TDRP: variants seen among roughly 807,000 people sequenced by gnomAD.
TDRP encodes the protein testis development-related protein.
Under a neutral mutation model 10.5 loss-of-function variants are expected in TDRP, and 12 were observed. That is an observed-to-expected ratio of 1.15 (90% CI 0.73 to 1.86). TDRP has a LOEUF of 1.86. TDRP is among the 40% of genes most tolerant of loss of function. The pLI is 0.00. For synonymous variants in TDRP, 139 were observed against 95.4 expected (o/e 1.46, Z -2.67); for missense variants, 353 against 229.2 (o/e 1.54, Z -3.49).
chr8:500,072 A>T (rs1235791869), intron 1 of TDRP, among the ~76,000 whole-genome samples: 1 of 152,252 alleles, frequency 6.6e-6, no homozygotes, highest in African/African-American at 2.4e-5. Context: ...TGACATCCAA[A>T]ACAATGAAGA....
At chr8:503,632 G>T (rs1359444193) in intron 1 of TDRP, among the ~76,000 whole-genome samples, 4 of 136,424 alleles carry the variant, frequency 2.9e-5, no homozygotes, top group African/African-American at 8.9e-5. Context: ...ACGGAATCCA[G>T]AGCCACACAC....
chr8:535,585 T>C (rs1802323339), intron 1 of TDRP, among the ~76,000 whole-genome samples: 1 of 151,960 alleles, frequency 6.6e-6, no homozygotes, highest in African/African-American at 2.4e-5. Context: ...AAGACAAGGC[T>C]GATGAGCCCC....
chr8:499,164 T>C (rs1438372478), intron 1 of TDRP, among the ~76,000 whole-genome samples: 1 of 152,186 alleles, frequency 6.6e-6, no homozygotes, highest in Non-Finnish European at 1.5e-5. Context: ...GTGTTTCCAT[T>C]GAAATTATTA....
chr8:543,394 T>C (rs1322441139), intron 1 of TDRP, among the ~76,000 whole-genome samples: 8 of 152,178 alleles, frequency 5.3e-5, no homozygotes, highest in African/African-American at 1.7e-4. Flanking sequence ...GAAGACTCAG[T>C]TTAAAATTCT....
chr8:498,951 G>GT (rs1256696229), intron 1 of TDRP, among the ~76,000 whole-genome samples: 1 of 151,912 alleles, frequency 6.6e-6, no homozygotes, highest in African/African-American at 2.4e-5. Flanking sequence ...ACCTCCTTAC[G>GT]TAAGTTTCCT....
At chr8:528,044 G>A (rs915310781) in intron 1 of TDRP, among the ~76,000 whole-genome samples, 2 of 152,232 alleles carry the variant, frequency 1.3e-5, no homozygotes, top group Middle Eastern at 3.4e-3. Context: ...TATAAAAGGT[G>A]CTCAAACACA....
chr8:544,161 G>T (rs1230644518), intron 1 of TDRP, among the ~76,000 whole-genome samples: 1 of 152,114 alleles, frequency 6.6e-6, no homozygotes, highest in Non-Finnish European at 1.5e-5. Context: ...AGCTACGGTC[G>T]TCCAAAGCTG....
intron 1 of TDRP, among the ~76,000 whole-genome samples, chr8:524,061 C>T (rs1801974639): frequency 6.6e-6 from 1 of 152,224 alleles, no homozygotes; most frequent in Admixed American, 6.5e-5. Context: ...CACAAGAGTG[C>T]TTGTGTCACC....
At position 527,015 on chromosome 8, in the gene TDRP, G is replaced by A. The variant is rs553979173; in HGVS notation, c.108+17635C>T. Among the ~76,000 whole-genome samples the A allele has an allele frequency of 2.6e-5, 4 of 152,278 alleles. No homozygotes were observed. In the South Asian group the frequency reaches 6.2e-4, roughly 24 times the overall value. On this transcript the variant is annotated intron_variant, in intron 1 of 2. Coordinates refer to ENST00000324079, the MANE Select transcript of TDRP (RefSeq NM_001384899.1). ...CATGTCTGTAATCCCAGCATTTTGGGAGGCTGAGATGGGAGGATGGCTTGA... is the reference window on the plus strand; with the variant it reads ...CATGTCTGTAATCCCAGCATTTTGGAAGGCTGAGATGGGAGGATGGCTTGA...
At chr8:499,622 C>A (rs751493878) in intron 1 of TDRP, among the ~76,000 whole-genome samples, 1 of 152,230 alleles carries the variant, frequency 6.6e-6, no homozygotes, top group African/African-American at 2.4e-5. Flanking sequence ...CAGACATGAT[C>A]GAAGTGTGAG....
chr8:519,256 C>A (rs920152657), intron 1 of TDRP, among the ~76,000 whole-genome samples: 4 of 152,178 alleles, frequency 2.6e-5, no homozygotes, highest in Non-Finnish European at 4.4e-5. Context: ...GTGCCCTCCC[C>A]ATGCCTTCCC....
intron 1 of TDRP, among the ~76,000 whole-genome samples, chr8:502,366 G>A (rs138861471): frequency 1.2e-3 from 190 of 152,302 alleles, no homozygotes; most frequent in African/African-American, 4.4e-3. Flanking sequence ...CAGGCCACAG[G>A]AAGGCCCGCA....
chr8:503,856 T>A (rs1205265710), intron 1 of TDRP, among the ~76,000 whole-genome samples: 2,647 of 99,626 alleles, frequency 0.027, 44 homozygotes, highest in Middle Eastern at 0.11. Context: ...TGCCCACCTC[T>A]GCACACACCA....
chr8:494,267 T>C (rs1034214163), intron 2 of TDRP, among the ~76,000 whole-genome samples: 5 of 152,136 alleles, frequency 3.3e-5, no homozygotes, highest in Admixed American at 6.5e-5. Context: ...AGCCCATTTC[T>C]GTTTATTCAC....
chr8:537,152 G>T (rs950587825), intron 1 of TDRP, among the ~76,000 whole-genome samples: 4 of 152,198 alleles, frequency 2.6e-5, no homozygotes, highest in African/African-American at 9.6e-5. Context: ...CTCCTCTCAG[G>T]GGCACTGCTG....
intron 1 of TDRP, among the ~76,000 whole-genome samples, chr8:511,083 T>C (rs1253659118): frequency 6.6e-6 from 1 of 152,064 alleles, no homozygotes; most frequent in Non-Finnish European, 1.5e-5. Flanking sequence ...AATGAAGGCA[T>C]GAGACATATG....
chr8:510,052 G>T (rs914055529), intron 1 of TDRP, among the ~76,000 whole-genome samples: 1 of 152,172 alleles, frequency 6.6e-6, no homozygotes, highest in Non-Finnish European at 1.5e-5. Flanking sequence ...AGGAAGCACA[G>T]AGCTGTGCCC....
intron 1 of TDRP, among the ~76,000 whole-genome samples, chr8:515,113 T>C (rs1300619952): frequency 1.3e-5 from 2 of 152,166 alleles, no homozygotes; most frequent in African/African-American, 4.8e-5. Context: ...CAGAGCCTCC[T>C]TGGCCTGAAG....
At position 492,382 on chromosome 8, in the gene TDRP, T is replaced by C; in HGVS notation, c.*17A>G. ...AAAAGGCCACCATGTCGGGGCACAC[T>C]TGCCACGCAGCCCCCCTCACTCCGC... On this transcript the variant is annotated 3_prime_UTR_variant, in exon 3 of 3. Transcript: ENST00000324079. The C allele has an allele frequency of 6.7e-7, 1 of 1,491,026 alleles. No individual in the cohort carries two copies. The highest frequency in any genetic ancestry group is 8.9e-7 in the Non-Finnish European group (1 of 1,119,052). The allele number at this position is 1,491,026 out of a possible 1,614,324, so 92.4% of individuals were successfully genotyped here.
Sources: allele counts gnomAD v4.1 joint callset (sites outside exome capture counted in the v4.1 genomes callset), GRCh38; gene constraint gnomAD v4.1.1; transcripts MANE v1.5; gene names NCBI Gene and HGNC (gene_info 2026-07-23, HGNC 2026-07-21).